The following TNFAIP8 variants were observed in gnomAD, a reference collection of about 807,000 sequenced individuals.
The protein encoded by TNFAIP8 is tumor necrosis factor alpha-induced protein 8.
Under a neutral mutation model 13.3 loss-of-function variants are expected in TNFAIP8, and 7 were observed. The ratio of observed to expected loss-of-function variants is 0.52; its 90% confidence interval spans 0.30 to 0.99. The LOEUF is 0.99. Among genes scored for constraint, TNFAIP8 ranks in the 50% least tolerant of loss-of-function variants. The pLI, the probability that TNFAIP8 is intolerant of heterozygous loss-of-function variation, is 0.07. For missense variants in TNFAIP8, 258 were observed against 236.9 expected (o/e 1.09, Z -0.58); for synonymous variants, 94 against 87.6 (o/e 1.07, Z -0.41).
chr5:119,285,857 T>C (rs1748762138), intron 1 of TNFAIP8, among the ~76,000 whole-genome samples: 1 of 151,478 alleles, frequency 6.6e-6, no homozygotes, highest in Non-Finnish European at 1.5e-5. Context: ...ACAAGGTTGG[T>C]CTCTATGCAC....
intron 1 of TNFAIP8, among the ~76,000 whole-genome samples, chr5:119,314,482 T>C (rs961698920): frequency 1.3e-5 from 2 of 152,196 alleles, no homozygotes; most frequent in African/African-American, 2.4e-5. Context: ...TGTGGTCTTG[T>C]TGATGGAGTC....
At chr5:119,291,175 T>C (rs971042797) in intron 1 of TNFAIP8, among the ~76,000 whole-genome samples, 1 of 152,240 alleles carries the variant, frequency 6.6e-6, no homozygotes, top group African/African-American at 2.4e-5. Flanking sequence ...CCTTGTACTA[T>C]TTAACTTTTC....
At chr5:119,355,381 T>G, upstream of TNFAIP8, 1 of 702,504 alleles carries the variant, frequency 1.4e-6, no homozygotes, top group African/African-American at 1.7e-5. Flanking sequence ...CGTCTGCTTT[T>G]GCTGTGCAAA....
intron 1 of TNFAIP8, among the ~76,000 whole-genome samples, chr5:119,358,939 C>T (rs545700498): frequency 1.1e-4 from 17 of 152,240 alleles, no homozygotes; most frequent in Admixed American, 1.0e-3. Context: ...TGGCTCGCTC[C>T]TCCATTGCCC....
chr5:119,393,484 C>A lies in TNFAIP8; in HGVS notation c.*103C>A. 1 of 1,106,064 alleles carries A rather than the reference C, an allele frequency of 9.0e-7. No homozygotes were observed. The highest frequency in any genetic ancestry group is 1.3e-6 in the Non-Finnish European group (1 of 779,230). 68.5% of individuals were successfully genotyped at this position (1,106,064 alleles called of 1,614,324 possible). A position where few individuals can be genotyped will look rare whatever the true frequency, so the allele number is the denominator to read the frequency against. On this transcript the variant is annotated 3_prime_UTR_variant, in exon 2 of 2. Coordinates refer to ENST00000504771, the MANE Select transcript of TNFAIP8 (RefSeq NM_014350.4). ...AATTTTCTAAAGATTACACATATTT[C>A]AGAAAGACTTTACCCAATTCAGTTG...
At chr5:119,332,014 C>T (rs890213532) in intron 1 of TNFAIP8, among the ~76,000 whole-genome samples, 1 of 152,108 alleles carries the variant, frequency 6.6e-6, no homozygotes, top group Non-Finnish European at 1.5e-5. Flanking sequence ...CATGAAGGGC[C>T]AGTCAGAATT....
At position 119,279,979 on chromosome 5, in the gene TNFAIP8, C is replaced by T. The variant is rs916984336; in HGVS notation, c.1+11072C>T. 4.6e-5 allele frequency among the ~76,000 whole-genome samples: 7 copies of T among 152,136 alleles called. No individual in the cohort carries two copies. The East Asian group carries it at 7.7e-4, about 17-fold the overall frequency. ...CTTTTCCACCTAGCACTGAGAGACA[C>T]GTTGCAATTTTTTCCGTCAGTTGGC... is the stretch of plus-strand genomic sequence containing the variant. On this transcript the variant is annotated intron_variant, in intron 1 of 1. Coordinates refer to the TNFAIP8 transcript ENST00000274456.
rs1753108592 is a variant in TNFAIP8, at chr5:119,397,759, C to G, written c.*4378C>G. On this transcript the variant is annotated 3_prime_UTR_variant, in exon 2 of 2. Coordinates refer to ENST00000504771, the MANE Select transcript of TNFAIP8 (RefSeq NM_014350.4). ...AACTACTTATAATCCCGTATAGTCA[C>G]CATCACCACGAAGTATTGAAAATCT... 1.3e-5 allele frequency: 2 copies of G among 152,220 alleles called. No homozygotes were observed. The highest frequency in any genetic ancestry group is 4.1e-4 in the South Asian group (2 of 4,834). 9.4% of individuals were successfully genotyped at this position (152,220 alleles called of 1,614,324 possible).
intron 1 of TNFAIP8, chr5:119,306,265 C>T: frequency 6.6e-6 from 1 of 151,504 alleles, no homozygotes; most frequent in East Asian, 1.9e-4. Flanking sequence ...ACATTTCCTT[C>T]TTTGATCCTT....
At chr5:119,386,178 A>G (rs1163136031) in intron 1 of TNFAIP8, among the ~76,000 whole-genome samples, 2 of 152,226 alleles carry the variant, frequency 1.3e-5, no homozygotes, top group African/African-American at 2.4e-5. Context: ...TATGTGTTAC[A>G]AGGTATGTTT....
At chr5:119,370,954 T>C (rs1216354664) in intron 1 of TNFAIP8, among the ~76,000 whole-genome samples, 2 of 152,232 alleles carry the variant, frequency 1.3e-5, no homozygotes, top group African/African-American at 2.4e-5. Context: ...TTTTTGCCTG[T>C]ATCTAAGATT....
intron 1 of TNFAIP8, chr5:119,316,378 C>A (rs990074906): frequency 2.6e-5 from 4 of 152,024 alleles, no homozygotes; most frequent in African/African-American, 9.7e-5. Flanking sequence ...AGGCTCTTTT[C>A]GAACCCCTGG....
At chr5:119,331,203 G>A (rs1750367360) in intron 1 of TNFAIP8, among the ~76,000 whole-genome samples, 1 of 151,456 alleles carries the variant, frequency 6.6e-6, no homozygotes, top group Non-Finnish European at 1.5e-5. Context: ...TGGAAGTGCT[G>A]TGCATAGTCA....
At chr5:119,333,730 G>C (rs952251098) in intron 1 of TNFAIP8, 10 of 1,023,530 alleles carry the variant, frequency 9.8e-6, no homozygotes, top group Non-Finnish European at 1.5e-5. Context: ...TGTCTTCAAG[G>C]AAATAATGTT....
chr5:119,292,918 G>C (rs1749043324), intron 1 of TNFAIP8, among the ~76,000 whole-genome samples: 1 of 151,506 alleles, frequency 6.6e-6, no homozygotes, highest in South Asian at 2.1e-4. Flanking sequence ...ACTAAAAATG[G>C]CTGCTGTGGG....
At chr5:119,358,139 A>G (rs572432455) in intron 1 of TNFAIP8, among the ~76,000 whole-genome samples, 42 of 142,398 alleles carry the variant, frequency 2.9e-4, no homozygotes, top group African/African-American at 1.1e-3. Flanking sequence ...TATGTATCCC[A>G]TTTAGTGTGA....
At chr5:119,305,769 G>A (rs1226395676) in intron 1 of TNFAIP8, among the ~76,000 whole-genome samples, 1 of 152,196 alleles carries the variant, frequency 6.6e-6, no homozygotes, top group East Asian at 1.9e-4. Flanking sequence ...CTGTTGGAAT[G>A]TTTATGGAAA....
chr5:119,275,112 A>G (rs942441331), intron 1 of TNFAIP8, among the ~76,000 whole-genome samples: 1 of 152,086 alleles, frequency 6.6e-6, no homozygotes, highest in African/African-American at 2.4e-5. Flanking sequence ...TAAAATAAAC[A>G]CAACATATAA....
chr5:119,329,244 T>C (rs2112702869), intron 1 of TNFAIP8, among the ~76,000 whole-genome samples: 1 of 152,358 alleles, frequency 6.6e-6, no homozygotes, highest in South Asian at 2.1e-4. Context: ...AATTAGAAGA[T>C]AGTCTTCTTT....
Sources: allele counts gnomAD v4.1 joint callset (sites outside exome capture counted in the v4.1 genomes callset), GRCh38; gene constraint gnomAD v4.1.1; transcripts MANE v1.5; gene names NCBI Gene and HGNC (gene_info 2026-07-23, HGNC 2026-07-21).